SKIL: variants seen among roughly 807,000 people sequenced by gnomAD.
SKIL encodes ski-like protein.
A neutral mutation model predicts 69.6 loss-of-function variants in SKIL; 20 were observed. The observed-to-expected ratio is 0.29, with a 90% CI of 0.20 to 0.42. SKIL has a LOEUF of 0.42. SKIL is among the 10% of genes least tolerant of loss of function. The probability of loss-of-function intolerance (pLI) is 1.00; values close to 1 mark genes in which losing one functional copy is unlikely to be tolerated. For synonymous variants in SKIL, 310 were observed against 279.9 expected (o/e 1.11, Z -1.08); for missense variants, 745 against 783.1 (o/e 0.95, Z 0.58).
chr3:170,379,160 A>G (rs1577431394), intron 2 of SKIL, among the ~76,000 whole-genome samples: 1 of 149,316 alleles, frequency 6.7e-6, no homozygotes, highest in African/African-American at 2.5e-5. Flanking sequence ...TTGTATTTTT[A>G]GTAGAGACTG....
intron 2 of SKIL, among the ~76,000 whole-genome samples, chr3:170,365,153 G>GA (rs1486287881): frequency 1.3e-5 from 2 of 152,008 alleles, no homozygotes; most frequent in Admixed American, 1.3e-4. Flanking sequence ...GGTCTGTGAG[G>GA]AAGGTGAATG....
At chr3:170,376,580 T>C (rs1019619750) in intron 2 of SKIL, among the ~76,000 whole-genome samples, 3 of 152,076 alleles carry the variant, frequency 2.0e-5, no homozygotes, top group Non-Finnish European at 2.9e-5. Context: ...CTCAAGAGTT[T>C]TTATTTTTTT....
At chr3:170,365,751 G>GTTTT (rs1560207824) in intron 2 of SKIL, among the ~76,000 whole-genome samples, 1 of 92,440 alleles carries the variant, frequency 1.1e-5, no homozygotes, top group African/African-American at 5.3e-5. Context: ...GTCAAACTAG[G>GTTTT]CTTTTTTTTT....
At chr3:170,370,431 GAGAGAGAGCCC>G (rs1436894851) in intron 2 of SKIL, among the ~76,000 whole-genome samples, 1 of 33,128 alleles carries the variant, frequency 3.0e-5, no homozygotes, top group Non-Finnish European at 6.8e-5. Context: ...CAGAGAGAGA[GAGAGAGAGCCC>G]CCCCCCCCCC....
rs146725954 is a variant in SKIL, at chr3:170,395,185, C to T, written c.*2768C>T. On this transcript the variant is annotated 3_prime_UTR_variant, in exon 7 of 7. Transcript: ENST00000259119. ...AAACTTTATGAGAAAAGTGTACCTA[C>T]TCTATAAAGGTAATAAATGTAAAAC... 3.3e-5 allele frequency: 5 copies of T among 152,244 alleles called. No homozygotes were observed. In the East Asian group the frequency reaches 9.6e-4, roughly 29 times the overall value. The allele number at this position is 152,244 out of a possible 1,614,324, so 9.4% of individuals were successfully genotyped here.
chr3:170,369,364 A>G (rs780908712), intron 2 of SKIL, among the ~76,000 whole-genome samples: 18 of 152,270 alleles, frequency 1.2e-4, no homozygotes, highest in East Asian at 9.6e-4. Flanking sequence ...TATGTTATCA[A>G]TTATGCCACT....
At chr3:170,373,321 C>A (rs956806268) in intron 2 of SKIL, among the ~76,000 whole-genome samples, 5 of 151,980 alleles carry the variant, frequency 3.3e-5, no homozygotes, top group African/African-American at 9.7e-5. Context: ...CATGAGCCAC[C>A]GTGCCCAGCC....
Position 170,392,980 on chromosome 3 carries a change from A to AG in SKIL, c.*565dup, listed in dbSNP as rs1273751844. ...TTCTCTTCTTTTTAATGTGTACCCT[A>AG]GGAGGAATTTTACTGAGGTTATAGC... On this transcript the variant is annotated 3_prime_UTR_variant, in exon 7 of 7. Coordinates refer to ENST00000259119, the MANE Select transcript of SKIL (RefSeq NM_005414.5). The AG allele has an allele frequency of 6.6e-6, 1 of 152,208 alleles. No individual in the cohort carries two copies. The highest frequency in any genetic ancestry group is 2.4e-5 in the African/African-American group (1 of 41,460). 9.4% of individuals were successfully genotyped at this position (152,208 alleles called of 1,614,324 possible). A position where few individuals can be genotyped will look rare whatever the true frequency, so the allele number is the denominator to read the frequency against.
At chr3:170,387,268 C>A (rs150136928) in intron 4 of SKIL, among the ~76,000 whole-genome samples, 187 of 152,166 alleles carry the variant, frequency 1.2e-3, no homozygotes, top group Middle Eastern at 3.4e-3. Context: ...GTGATCCACC[C>A]GCCTCGGCCC....
intron 2 of SKIL, among the ~76,000 whole-genome samples, chr3:170,362,339 C>T (rs1392842894): frequency 1.3e-5 from 2 of 151,942 alleles, no homozygotes; most frequent in African/African-American, 4.8e-5. Flanking sequence ...CCCATCTCTA[C>T]TAAAAATACA....
intron 2 of SKIL, among the ~76,000 whole-genome samples, chr3:170,374,741 A>G (rs1736952909): frequency 6.6e-6 from 1 of 152,218 alleles, no homozygotes; most frequent in South Asian, 2.1e-4. Flanking sequence ...TTTGTTATAA[A>G]TGTGTTTATG....
chr3:170,361,456 AATG>A, intron 2 of SKIL, 27 bp downstream of exon 2: 2 of 1,478,336 alleles, frequency 1.4e-6, no homozygotes, highest in Non-Finnish European at 1.8e-6. Context: ...AATTTTTAAT[AATG>A]GTAATGGTTT....
chr3:170,392,151 A>G (rs868045456), intron 6 of SKIL, 108 bp from the exon 7 acceptor site: 10 of 830,084 alleles, frequency 1.2e-5, no homozygotes, highest in Middle Eastern at 2.3e-4. Context: ...TATACATGAA[A>G]TAGTTCGTTT....
At chr3:170,374,048 CTGAT>C (rs1395010678) in intron 2 of SKIL, among the ~76,000 whole-genome samples, 1 of 152,158 alleles carries the variant, frequency 6.6e-6, no homozygotes, top group African/African-American at 2.4e-5. Flanking sequence ...CATTATGAGA[CTGAT>C]TAGCATCGTA....
At chr3:170,381,501 C>T (rs759981537) in intron 3 of SKIL, among the ~76,000 whole-genome samples, 160 bp downstream of exon 3, 31 of 152,106 alleles carry the variant, frequency 2.0e-4, no homozygotes, top group African/African-American at 7.0e-4. Flanking sequence ...GGCGCGATCT[C>T]GTCTCATTGC....
In SKIL at chr3:170,392,254, C is replaced by T; in HGVS notation, c.1897-5C>T. 3 of 1,580,034 alleles carry T rather than the reference C, an allele frequency of 1.9e-6. No individual in the cohort carries two copies. Among genetic ancestry groups the T allele is most frequent in the Non-Finnish European group, 2.6e-6 (3 of 1,166,756 alleles). The stretch of plus-strand genomic sequence containing the variant: ...AAAATTGATAGCGCCTTTTAAATCA[C>T]ATAGTTGGCAGAACTGAGGCAGAGA... On this transcript the variant is annotated splice_region_variant and splice_polypyrimidine_tract_variant and intron_variant, in intron 6 of 6. Coordinates refer to ENST00000259119, the MANE Select transcript of SKIL (RefSeq NM_005414.5).
At chr3:170,386,602 G>A (rs1737646387) in intron 4 of SKIL, among the ~76,000 whole-genome samples, 3 of 152,148 alleles carry the variant, frequency 2.0e-5, no homozygotes, top group Admixed American at 6.6e-5. Context: ...CTAGTAGCTA[G>A]GACTACAGGC....
At chr3:170,373,040 T>C (rs1001080838) in intron 2 of SKIL, among the ~76,000 whole-genome samples, 1 of 148,062 alleles carries the variant, frequency 6.8e-6, no homozygotes, top group Non-Finnish European at 1.5e-5. Context: ...CAGGCTGGAG[T>C]TCAGTGGCGT....
Position 170,387,797 on chromosome 3 carries a change from A to G in SKIL, c.1430-2426A>G, listed in dbSNP as rs1268338246. On this transcript the variant is annotated intron_variant, in intron 4 of 6. Coordinates refer to ENST00000259119, the MANE Select transcript of SKIL (RefSeq NM_005414.5). Reference sequence around the variant, plus strand: ...AAATACAAAAAAATTAGCCGGGCGTAGTGGCGGGCGCCTGTAGTCCCAGCT... The same window carrying G: ...AAATACAAAAAAATTAGCCGGGCGTGGTGGCGGGCGCCTGTAGTCCCAGCT... Among the ~76,000 whole-genome samples, 6 of 140,252 alleles carry G rather than the reference A, an allele frequency of 4.3e-5. No individual in the cohort carries two copies. In the East Asian group the frequency reaches 1.1e-3, roughly 25 times the overall value. 92.0% of individuals were successfully genotyped at this position (140,252 alleles called of 152,430 possible).
Sources: allele counts gnomAD v4.1 joint callset (sites outside exome capture counted in the v4.1 genomes callset), GRCh38; gene constraint gnomAD v4.1.1; transcripts MANE v1.5; gene names NCBI Gene and HGNC (gene_info 2026-07-23, HGNC 2026-07-21).